Variants in HS3ST4 observed in about 807,000 individuals in gnomAD.
HS3ST4 encodes heparan sulfate-glucosamine 3-sulfotransferase 4, also known as heparan sulfate glucosamine 3-O-sulfotransferase 4.
In HS3ST4, 17 loss-of-function variants were observed where a neutral mutation model predicts 29.2. The ratio of observed to expected loss-of-function variants is 0.58; its 90% CI spans 0.40 to 0.87. HS3ST4 has a LOEUF of 0.87. Among genes scored for constraint, HS3ST4 ranks in the 40% least tolerant of loss-of-function variants. The pLI is 0.00. For synonymous variants in HS3ST4, 314 were observed against 285.7 expected, an observed-to-expected ratio of 1.10 and a Z score of -1.00; for missense variants, 627 against 634.5, an observed-to-expected ratio of 0.99 and a Z score of 0.13.
Position 25,915,367 on chromosome 16 carries a change from A to G in HS3ST4, c.735-220245A>G, listed in dbSNP as rs1968282422. On this transcript the variant is annotated intron_variant, in intron 1 of 1. Coordinates refer to ENST00000331351, the MANE Select transcript of HS3ST4 (RefSeq NM_006040.3). Reference sequence around the variant, plus strand: ...GAAACACAAACATACCTGCTCATAAATTCTGTTTTAAAACTAATAAAATTA... The same window carrying G: ...GAAACACAAACATACCTGCTCATAAGTTCTGTTTTAAAACTAATAAAATTA... Among the ~76,000 whole-genome samples, 10 of 152,276 alleles carry G rather than the reference A, an allele frequency of 6.6e-5. No homozygotes were observed. The South Asian group carries it at 1.9e-3, about 28-fold the overall frequency.
chr16:25,717,510 GGTGT>G (rs763190199), intron 1 of HS3ST4, among the ~76,000 whole-genome samples: 26,343 of 132,678 alleles, frequency 0.2, 2,275 homozygotes, highest in South Asian at 0.24. Context: ...AAGGTGAAGG[GGTGT>G]GTGTGTGTGT....
rs193082661 is a variant in HS3ST4, at chr16:26,070,113, A to T, written c.735-65499A>T. Among the ~76,000 whole-genome samples, 137 of 152,242 alleles carry T rather than the reference A, an allele frequency of 9.0e-4. 3 individuals are homozygous for T. In the East Asian group the frequency reaches 0.024, roughly 26 times the overall value. ...GGTCAAATGGTATTTCTAGTTCTAGATCCCTGAGGAATTGCCACACTGTCT... is the reference window on the plus strand; with the variant it reads ...GGTCAAATGGTATTTCTAGTTCTAGTTCCCTGAGGAATTGCCACACTGTCT... On this transcript the variant is annotated intron_variant, in intron 1 of 1. Transcript: ENST00000331351.
chr16:25,729,930 C>A (rs1032805928), intron 1 of HS3ST4, among the ~76,000 whole-genome samples: 2 of 152,164 alleles, frequency 1.3e-5, no homozygotes, highest in African/African-American at 4.8e-5. Context: ...GTGGCTCATA[C>A]ACAGGCAGCA....
chr16:25,878,020 T>C (rs1198566827), intron 1 of HS3ST4, among the ~76,000 whole-genome samples: 1 of 152,154 alleles, frequency 6.6e-6, no homozygotes, highest in Non-Finnish European at 1.5e-5. Flanking sequence ...AAGGAATCTG[T>C]CTTCCATAGA....
chr16:25,927,334 A>G (rs1968414958), intron 1 of HS3ST4, among the ~76,000 whole-genome samples: 3 of 152,252 alleles, frequency 2.0e-5, no homozygotes, highest in African/African-American at 7.2e-5. Flanking sequence ...AAGCAAAGAA[A>G]GAAGAAGATG....
intron 1 of HS3ST4, among the ~76,000 whole-genome samples, chr16:25,916,519 C>T (rs997193754): frequency 2.0e-5 from 3 of 151,776 alleles, no homozygotes; most frequent in Admixed American, 6.6e-5. Context: ...TGTGCCAACA[C>T]GCCCGGCTAC....
chr16:25,981,089 G>T (rs1334474498), intron 1 of HS3ST4, among the ~76,000 whole-genome samples: 9 of 152,108 alleles, frequency 5.9e-5, no homozygotes, highest in African/African-American at 2.2e-4. Context: ...TGGGCACGGT[G>T]CCTCAGGCCT....
intron 1 of HS3ST4, among the ~76,000 whole-genome samples, chr16:25,972,321 A>G (rs968942987): frequency 6.6e-5 from 10 of 152,196 alleles, no homozygotes; most frequent in African/African-American, 1.9e-4. Flanking sequence ...AAAGAACAAC[A>G]TTTATTATCA....
chr16:25,837,414 T>A (rs907933489), intron 1 of HS3ST4, among the ~76,000 whole-genome samples: 7 of 152,144 alleles, frequency 4.6e-5, no homozygotes, highest in African/African-American at 1.4e-4. Context: ...TTTCCAGAAA[T>A]TTTCCAGGAA....
At chr16:26,066,828 A>G (rs1434709559) in intron 1 of HS3ST4, among the ~76,000 whole-genome samples, 1 of 152,230 alleles carries the variant, frequency 6.6e-6, no homozygotes, top group Non-Finnish European at 1.5e-5. Flanking sequence ...AAGGAAGGAG[A>G]TCCCTTTGCA....
chr16:25,880,630 A>G (rs1967884643), intron 1 of HS3ST4, among the ~76,000 whole-genome samples: 1 of 152,200 alleles, frequency 6.6e-6, no homozygotes, highest in Non-Finnish European at 1.5e-5. Flanking sequence ...TGGGCCTGGC[A>G]CTAATGGGCA....
intron 1 of HS3ST4, among the ~76,000 whole-genome samples, chr16:25,900,766 C>T (rs902786481): frequency 2.6e-4 from 39 of 152,216 alleles, no homozygotes; most frequent in Middle Eastern, 3.4e-3. Flanking sequence ...CCCAAACTCC[C>T]GGCACTGTAA....
intron 1 of HS3ST4, among the ~76,000 whole-genome samples, chr16:25,815,195 C>G (rs867536093): frequency 2.3e-4 from 35 of 152,130 alleles, no homozygotes; most frequent in South Asian, 4.1e-4. Context: ...CTTTTGTGCA[C>G]AGAGGGTTGT....
Position 25,808,601 on chromosome 16 carries a change from G to A in HS3ST4, c.734+115450G>A, listed in dbSNP as rs561388598. Among the ~76,000 whole-genome samples, 19 of 152,206 alleles carry A rather than the reference G, an allele frequency of 1.2e-4. No homozygotes were observed. In the South Asian group the frequency reaches 1.9e-3, roughly 15 times the overall value. On this transcript the variant is annotated intron_variant, in intron 1 of 1. Transcript: ENST00000331351. Reference sequence around the variant, plus strand: ...GATTGTTTTAAACATTCTAGGGCCTGTGCCTTGCCATATAAATTTTAGAAT... The same window carrying A: ...GATTGTTTTAAACATTCTAGGGCCTATGCCTTGCCATATAAATTTTAGAAT...
chr16:25,992,192 C>G (rs1366477823), intron 1 of HS3ST4, among the ~76,000 whole-genome samples: 1 of 152,126 alleles, frequency 6.6e-6, no homozygotes, highest in African/African-American at 2.4e-5. Flanking sequence ...TTATGACTAC[C>G]CTTTGATTAT....
At chr16:26,017,267 A>G (rs1249818261) in intron 1 of HS3ST4, among the ~76,000 whole-genome samples, 1 of 152,218 alleles carries the variant, frequency 6.6e-6, no homozygotes, top group Non-Finnish European at 1.5e-5. Context: ...CTTCTGCTAA[A>G]GGCTACTAAC....
chr16:25,740,242 TAAAG>T (rs1966643392), intron 1 of HS3ST4, among the ~76,000 whole-genome samples: 4 of 152,290 alleles, frequency 2.6e-5, no homozygotes, highest in Admixed American at 2.6e-4. Context: ...AATGACATCT[TAAAG>T]AAACAGAGAA....
At chr16:26,006,889 G>A (rs1361406773) in intron 1 of HS3ST4, among the ~76,000 whole-genome samples, 1 of 152,176 alleles carries the variant, frequency 6.6e-6, no homozygotes, top group Non-Finnish European at 1.5e-5. Flanking sequence ...TTGGGGAAGG[G>A]CTATTATCAT....
At position 26,136,556 on chromosome 16, in the gene HS3ST4, A is replaced by G. The variant is rs1485762825; in HGVS notation, c.*308A>G. ...GAAGACAGAGGATAAATAGTTGTCAATGTCAGAGACAGTGCTATTAATGTA... is the reference window on the plus strand; with the variant it reads ...GAAGACAGAGGATAAATAGTTGTCAGTGTCAGAGACAGTGCTATTAATGTA... On this transcript the variant is annotated 3_prime_UTR_variant, in exon 2 of 2. Transcript: ENST00000331351. The G allele has an allele frequency of 1.5e-5, 6 of 401,964 alleles. No individual in the cohort carries two copies. The East Asian group carries it at 3.0e-4, about 20-fold the overall frequency. 24.9% of individuals were successfully genotyped at this position (401,964 alleles called of 1,614,324 possible). A position where few individuals can be genotyped will look rare whatever the true frequency, so the allele number is the denominator to read the frequency against.
Sources: gnomAD v4.1 joint callset for allele counts (sites outside exome capture counted in the v4.1 genomes callset) on GRCh38, gnomAD v4.1.1 for gene constraint, MANE v1.5 for transcripts, NCBI Gene and HGNC (gene_info 2026-07-23, HGNC 2026-07-21) for gene names.